Variants in IL1RAPL2 observed in about 807,000 individuals in gnomAD.
IL1RAPL2 encodes X-linked interleukin-1 receptor accessory protein-like 2.
In IL1RAPL2, 3 loss-of-function variants were observed where a neutral mutation model predicts 44.1. That is an observed-to-expected ratio of 0.07 (90% confidence interval 0.03 to 0.18). IL1RAPL2 has a LOEUF of 0.18. Ranked by LOEUF, IL1RAPL2 falls within the 10% of genes least tolerant of loss-of-function variation. IL1RAPL2 has a pLI of 1.00. For missense variants in IL1RAPL2, 391 were observed against 496.4 expected, an observed-to-expected ratio of 0.79 and a Z score of 2.02; for synonymous variants, 181 against 178.8, an observed-to-expected ratio of 1.01 and a Z score of -0.10.
rs749402653 is a variant in IL1RAPL2, at chrX:105,334,903, T to G, written c.697+67362T>G. On this transcript the variant is annotated intron_variant, in intron 5 of 10. Transcript: ENST00000372582. ...ACATGCAACAAAACTTGAAAACTAG[T>G]TATTTGGAAGAAATAAATATATATT... is the stretch of plus-strand genomic sequence containing the variant. Among the ~76,000 whole-genome samples the G allele has an allele frequency of 1.2e-4, 13 of 111,482 alleles. No homozygotes were observed. In the South Asian group the frequency reaches 5.0e-3, roughly 43 times the overall value.
At chrX:104,871,882 C>A (rs1054130219) in intron 2 of IL1RAPL2, among the ~76,000 whole-genome samples, 1 of 111,769 alleles carries the variant, frequency 8.9e-6, no homozygotes, top group Admixed American at 9.6e-5. Flanking sequence ...GATTTATAAT[C>A]TCAATTAAGT....
chrX:105,542,691 TTTTATTTA>T (rs1225259466), intron 6 of IL1RAPL2, among the ~76,000 whole-genome samples: 49 of 96,151 alleles, frequency 5.1e-4, no homozygotes, highest in Admixed American at 1.1e-3. Flanking sequence ...TTTTTATATT[TTTTATTTA>T]TTTATTTATT....
chrX:105,369,016 A>G (rs773370910), intron 5 of IL1RAPL2, among the ~76,000 whole-genome samples: 4 of 108,966 alleles, frequency 3.7e-5, no homozygotes, highest in African/African-American at 1.3e-4. Context: ...TCAATTATTC[A>G]TGTTTGATAC....
At chrX:105,219,530 C>T (rs782082680) in intron 3 of IL1RAPL2, 4 of 1,209,316 alleles carry the variant, frequency 3.3e-6, no homozygotes, top group East Asian at 5.9e-5. Context: ...AACTGGGTCT[C>T]CATGGGGGCA....
At chrX:105,452,987 T>C (rs1376826842) in intron 5 of IL1RAPL2, among the ~76,000 whole-genome samples, 2 of 112,532 alleles carry the variant, frequency 1.8e-5, no homozygotes, top group African/African-American at 6.5e-5. Context: ...TGATTAGTGG[T>C]GCACATTCAC....
At chrX:104,912,209 T>A (rs753091496) in intron 2 of IL1RAPL2, among the ~76,000 whole-genome samples, 1 of 109,623 alleles carries the variant, frequency 9.1e-6, no homozygotes, top group East Asian at 2.9e-4. Context: ...TTCTAACACC[T>A]AGAAGGCTGG....
intron 2 of IL1RAPL2, among the ~76,000 whole-genome samples, chrX:104,689,766 G>A (rs1357206115): frequency 3.6e-5 from 4 of 111,911 alleles, no homozygotes; most frequent in African/African-American, 3.2e-5. Context: ...GGGAAATTAA[G>A]CAGTCAGTTT....
At position 104,610,810 on chromosome X, in the gene IL1RAPL2, C is replaced by T. The variant is rs1023232419; in HGVS notation, c.-20+43759C>T. On this transcript the variant is annotated intron_variant, in intron 1 of 10. Coordinates refer to ENST00000372582, the MANE Select transcript of IL1RAPL2 (RefSeq NM_017416.2). ...TTTCATATGGAACCAAAAAAGAGCC[C>T]GCATCGCCAAGTCAATCCTAAGCCA... Among the ~76,000 whole-genome samples, 3 of 111,496 alleles carry T rather than the reference C, an allele frequency of 2.7e-5. No homozygotes were observed. In the East Asian group the frequency reaches 8.6e-4, roughly 32 times the overall value.
At chrX:105,628,021 G>A (rs2037465511) in intron 6 of IL1RAPL2, among the ~76,000 whole-genome samples, 1 of 111,457 alleles carries the variant, frequency 9.0e-6, no homozygotes, top group Admixed American at 9.6e-5. Context: ...TGTGTGTCTG[G>A]GGAGGGAGGA....
At position 105,405,787 on chromosome X, in the gene IL1RAPL2, C is replaced by A; in HGVS notation, c.698-78526C>A. ...TCAAGAAATATTTATCAAAGACCTG[C>A]TGTAAGCCAGGTGGTTGCTGTATAT... On this transcript the variant is annotated intron_variant, in intron 5 of 10. Transcript: ENST00000372582. 10 of 1,118,508 alleles carry A rather than the reference C, an allele frequency of 8.9e-6. No homozygotes were observed. The South Asian group carries it at 1.8e-4, about 20-fold the overall frequency. The allele number at this position is 1,118,508 out of a possible 1,213,427, so 92.2% of individuals were successfully genotyped here. A position where few individuals can be genotyped will look rare whatever the true frequency, so the allele number is the denominator to read the frequency against.
chrX:104,917,349 A>T (rs1386182482), intron 2 of IL1RAPL2, among the ~76,000 whole-genome samples: 1 of 112,277 alleles, frequency 8.9e-6, no homozygotes, highest in Non-Finnish European at 1.9e-5. Context: ...ACAATTCCTC[A>T]TTAGATTTCT....
intron 5 of IL1RAPL2, among the ~76,000 whole-genome samples, chrX:105,363,289 A>AATATATATATATATATATAAT (rs1200157914): frequency 1.3e-5 from 1 of 76,236 alleles, no homozygotes; most frequent in Non-Finnish European, 2.2e-5. Context: ...ATATATATAT[A>AATATATATATATATATATAAT]ATATATATAT....
rs769453349 is a variant in IL1RAPL2 at position 104,633,586 on chromosome X, A to C, written c.-19-25309A>C. Among the ~76,000 whole-genome samples the C allele has an allele frequency of 7.2e-5, 8 of 111,840 alleles. No individual in the cohort carries two copies. The East Asian group carries it at 2.2e-3, about 31-fold the overall frequency. On this transcript the variant is annotated intron_variant, in intron 1 of 10. Coordinates refer to ENST00000372582, the MANE Select transcript of IL1RAPL2 (RefSeq NM_017416.2). Reference sequence around the variant, plus strand: ...TAGTCTTGGGAGGGTATATGTGTCAAGGAATTTATCTATTTCTTCTAGATT... The same window carrying C: ...TAGTCTTGGGAGGGTATATGTGTCACGGAATTTATCTATTTCTTCTAGATT...
intron 2 of IL1RAPL2, among the ~76,000 whole-genome samples, chrX:105,078,843 A>T (rs957410114): frequency 3.5e-5 from 4 of 112,689 alleles, no homozygotes; most frequent in African/African-American, 1.3e-4. Context: ...GGTGCGGGAT[A>T]TAATCTCCTG....
At chrX:105,750,969 T>C (rs2038592446) in intron 9 of IL1RAPL2, among the ~76,000 whole-genome samples, 1 of 111,342 alleles carries the variant, frequency 9.0e-6, no homozygotes, top group Non-Finnish European at 1.9e-5. Context: ...ATGTATTATC[T>C]ATGTAAAAGA....
chrX:104,701,056 A>G (rs192060777), intron 2 of IL1RAPL2, among the ~76,000 whole-genome samples: 1 of 111,380 alleles, frequency 9.0e-6, no homozygotes, highest in East Asian at 2.9e-4. Context: ...GCTGTAATAG[A>G]GGGACTGAGT....
At chrX:104,677,168 G>T (rs1406096113) in intron 2 of IL1RAPL2, among the ~76,000 whole-genome samples, 1 of 111,858 alleles carries the variant, frequency 8.9e-6, no homozygotes, top group Non-Finnish European at 1.9e-5. Context: ...AGGAGGAGAG[G>T]TGCTCTGCTT....
chrX:104,623,704 G>A (rs747622634), intron 1 of IL1RAPL2, among the ~76,000 whole-genome samples: 1 of 110,955 alleles, frequency 9.0e-6, no homozygotes, highest in Non-Finnish European at 1.9e-5. Context: ...AGGTTTTGGG[G>A]GAACTATTCT....
chrX:104,829,176 T>G (rs1921543101), intron 2 of IL1RAPL2, among the ~76,000 whole-genome samples: 1 of 111,197 alleles, frequency 9.0e-6, no homozygotes, highest in Non-Finnish European at 1.9e-5. Context: ...AACTGGGGTA[T>G]GAAAAAAAAA....
Sources: gnomAD v4.1 joint callset for allele counts (sites outside exome capture counted in the v4.1 genomes callset) on GRCh38, gnomAD v4.1.1 for gene constraint, MANE v1.5 for transcripts, NCBI Gene and HGNC (gene_info 2026-07-23, HGNC 2026-07-21) for gene names.